The following TMEM123 variants were observed in gnomAD, a reference collection of about 807,000 sequenced individuals.
TMEM123 encodes porimin.
In TMEM123, 16 loss-of-function variants were observed where a neutral mutation model predicts 19.7. The ratio of observed to expected loss-of-function variants is 0.81; its 90% CI spans 0.55 to 1.23. The LOEUF is 1.23. Ranked by LOEUF, TMEM123 falls within the 50% of genes most tolerant of loss-of-function variation. The pLI, the probability that TMEM123 is intolerant of heterozygous loss-of-function variation, is 0.00. For missense variants in TMEM123, 313 were observed against 257.8 expected, an observed-to-expected ratio of 1.21 and a Z score of -1.47; for synonymous variants, 118 against 99.4, an observed-to-expected ratio of 1.19 and a Z score of -1.12.
intron 4 of TMEM123, among the ~76,000 whole-genome samples, chr11:102,400,904 AAAAAAC>A (rs371406583): frequency 5.4e-5 from 8 of 148,588 alleles, no homozygotes; most frequent in African/African-American, 7.9e-5. Context: ...GTAAGACTCA[AAAAAAC>A]AAAAACAAAA....
chr11:102,423,971 T>TA (rs1469721605), intron 2 of TMEM123, among the ~76,000 whole-genome samples: 1 of 152,294 alleles, frequency 6.6e-6, no homozygotes, highest in Admixed American at 6.5e-5. Context: ...CAGATTTTTT[T>TA]AAAAAAATCA....
chr11:102,435,943 T>C (rs764836744), intron 2 of TMEM123, among the ~76,000 whole-genome samples: 3 of 151,782 alleles, frequency 2.0e-5, no homozygotes, highest in Non-Finnish European at 2.9e-5. Context: ...TGTTCGAAAC[T>C]TGACTGTGGT....
At chr11:102,430,784 T>C (rs1003752900) in intron 2 of TMEM123, among the ~76,000 whole-genome samples, 1 of 152,230 alleles carries the variant, frequency 6.6e-6, no homozygotes, top group Non-Finnish European at 1.5e-5. Flanking sequence ...CATCTTTCTA[T>C]AATCAGCTCT....
intron 2 of TMEM123, among the ~76,000 whole-genome samples, chr11:102,429,013 G>C (rs890970065): frequency 6.6e-6 from 1 of 152,116 alleles, no homozygotes; most frequent in Non-Finnish European, 1.5e-5. Context: ...ACTACGAGTG[G>C]GTAGGCACGA....
chr11:102,439,395 T>C (rs1222629599), intron 2 of TMEM123, among the ~76,000 whole-genome samples: 1 of 151,850 alleles, frequency 6.6e-6, no homozygotes, highest in East Asian at 1.9e-4. Context: ...CAATATTTTC[T>C]GTTCTGCAGC....
In TMEM123 at chr11:102,440,906, A is replaced by T. The variant is rs571883210; in HGVS notation, c.157+7906T>A. 5.3e-5 allele frequency among the ~76,000 whole-genome samples: 8 copies of T among 152,360 alleles called. 1 individual carries two copies. In the South Asian group the frequency reaches 1.7e-3, roughly 32 times the overall value. The stretch of plus-strand genomic sequence containing the variant: ...AGGGGTTGCAATCCTAGTCTCTGAT[A>T]AAACAGACTTTAAAACAACAAAGAT... On this transcript the variant is annotated intron_variant, in intron 2 of 4. Transcript: ENST00000398136.
chr11:102,433,387 C>G (rs113430038), intron 2 of TMEM123, among the ~76,000 whole-genome samples: 3,576 of 152,030 alleles, frequency 0.024, 175 homozygotes, highest in African/African-American at 0.082. Context: ...GACTGCCCTA[C>G]TGGATTTCAG....
intron 2 of TMEM123, among the ~76,000 whole-genome samples, chr11:102,427,634 C>T (rs1412988905): frequency 1.3e-5 from 2 of 151,030 alleles, no homozygotes; most frequent in South Asian, 2.1e-4. Flanking sequence ...GTCAGCATTT[C>T]GAGACCAGCC....
chr11:102,450,927 T>C (rs1264739495), intron 1 of TMEM123, among the ~76,000 whole-genome samples: 1 of 152,250 alleles, frequency 6.6e-6, no homozygotes, highest in East Asian at 1.9e-4. Context: ...AAGACTACGA[T>C]TAACAGTTAC....
intron 2 of TMEM123, among the ~76,000 whole-genome samples, chr11:102,411,975 A>T (rs1008745178): frequency 6.6e-6 from 1 of 152,128 alleles, no homozygotes; most frequent in Non-Finnish European, 1.5e-5. Context: ...CCCAGGAGGA[A>T]GATCTATCTA....
chr11:102,423,282 C>T (rs1952100852), intron 2 of TMEM123, among the ~76,000 whole-genome samples: 1 of 152,194 alleles, frequency 6.6e-6, no homozygotes, highest in African/African-American at 2.4e-5. Context: ...CCTCATTCCA[C>T]TTCTCTTGTG....
At chr11:102,439,082 T>C (rs1033802828) in intron 2 of TMEM123, among the ~76,000 whole-genome samples, 5 of 152,154 alleles carry the variant, frequency 3.3e-5, no homozygotes, top group African/African-American at 1.2e-4. Context: ...GTAAACAAAG[T>C]GGCCGGGAAG....
chr11:102,431,393 T>C (rs1857707702), intron 2 of TMEM123, among the ~76,000 whole-genome samples: 1 of 152,250 alleles, frequency 6.6e-6, no homozygotes, highest in African/African-American at 2.4e-5. Context: ...AATACTTATT[T>C]TTGTGGTGAG....
chr11:102,439,523 C>A (rs1174112674), intron 2 of TMEM123, among the ~76,000 whole-genome samples: 1 of 152,010 alleles, frequency 6.6e-6, no homozygotes, highest in Admixed American at 6.5e-5. Flanking sequence ...AAAGGACATC[C>A]ACACCAAAAC....
rs1857784402 is a variant in TMEM123, at chr11:102,438,106, T to C, written c.157+10706A>G. ...TCTTGCTCTGTCACCCAGGCTGGAG[T>C]GCAGTGGCACAATCTCGGCTCACTG... On this transcript the variant is annotated intron_variant, in intron 2 of 4. Transcript: ENST00000398136. 2.6e-5 allele frequency among the ~76,000 whole-genome samples: 4 copies of C among 152,274 alleles called. No individual in the cohort carries two copies. The South Asian group carries it at 6.2e-4, about 24-fold the overall frequency.
chr11:102,414,545 G>A (rs955445303), intron 2 of TMEM123, among the ~76,000 whole-genome samples: 3 of 152,142 alleles, frequency 2.0e-5, no homozygotes, highest in African/African-American at 2.4e-5. Context: ...GCCTATATTC[G>A]GCACCCTTAA....
intron 2 of TMEM123, among the ~76,000 whole-genome samples, chr11:102,414,349 A>G (rs2135849120): frequency 6.6e-6 from 1 of 152,308 alleles, no homozygotes; most frequent in East Asian, 1.9e-4. Flanking sequence ...GAAACTCAGA[A>G]AACTCCTGCA....
In TMEM123 at chr11:102,397,376, G is replaced by T. The variant is rs1951866223; in HGVS notation, c.*1491C>A. On this transcript the variant is annotated 3_prime_UTR_variant, in exon 5 of 5. Coordinates refer to ENST00000398136, the MANE Select transcript of TMEM123 (RefSeq NM_052932.3). ...TTTTAGGACCTTCAGAAACTGGTGT[G>T]ATTCACTTTGGCCCTCTGAGATAGA... is the stretch of plus-strand genomic sequence containing the variant. 1 of 152,128 alleles carries T rather than the reference G, an allele frequency of 6.6e-6. No homozygotes were observed. Among genetic ancestry groups the T allele is most frequent in the African/African-American group, 2.4e-5 (1 of 41,434 alleles). 9.4% of individuals were successfully genotyped at this position (152,128 alleles called of 1,614,324 possible). A position where few individuals can be genotyped will look rare whatever the true frequency, so the allele number is the denominator to read the frequency against.
chr11:102,417,402 CTCCCTTCCCCCACCACAAACA>C (rs1476687523), intron 2 of TMEM123, among the ~76,000 whole-genome samples: 1 of 152,014 alleles, frequency 6.6e-6, no homozygotes, highest in Non-Finnish European at 1.5e-5. Context: ...CACAGCAGCA[CTCCCTTCCCCCACCACAAACA>C]TACAAATACC....
Sources: gnomAD v4.1 joint callset for allele counts (sites outside exome capture counted in the v4.1 genomes callset) on GRCh38, gnomAD v4.1.1 for gene constraint, MANE v1.5 for transcripts, NCBI Gene and HGNC (gene_info 2026-07-23, HGNC 2026-07-21) for gene names.